Variants in CPD observed in about 807,000 individuals in gnomAD.
CPD encodes metallocarboxypeptidase D.
Under a neutral mutation model 138.3 loss-of-function variants are expected in CPD, and 69 were observed. That is an observed-to-expected ratio of 0.50 (90% confidence interval 0.41 to 0.61). The LOEUF (loss-of-function observed/expected upper bound fraction) is 0.61. Ranked by LOEUF, CPD falls within the 20% of genes least tolerant of loss-of-function variation. CPD has a pLI of 0.00. For synonymous variants in CPD, 651 were observed against 642.1 expected, an observed-to-expected ratio of 1.01 and a Z score of -0.21; for missense variants, 1,432 against 1,733.3, an observed-to-expected ratio of 0.83 and a Z score of 3.09.
intron 17 of CPD, among the ~76,000 whole-genome samples, chr17:30,457,710 A>G (rs1913337673): frequency 6.6e-6 from 1 of 150,876 alleles, no homozygotes; most frequent in African/African-American, 2.4e-5. Flanking sequence ...CTCAGGCTGG[A>G]GTGCAGTGGC....
chr17:30,423,499 T>G lies in CPD; in HGVS notation c.1658-7T>G. 1 of 1,520,986 alleles carries G rather than the reference T, an allele frequency of 6.6e-7. No individual in the cohort carries two copies. 94.2% of individuals were successfully genotyped at this position (1,520,986 alleles called of 1,614,324 possible). A position where few individuals can be genotyped will look rare whatever the true frequency, so the allele number is the denominator to read the frequency against. On this transcript the variant is annotated splice_polypyrimidine_tract_variant and splice_region_variant and intron_variant, in intron 5 of 20. Coordinates refer to ENST00000225719, the MANE Select transcript of CPD (RefSeq NM_001304.5). Reference sequence around the variant, plus strand: ...AAAAGCCTTCCATGTAATTATTTTGTTTTCAGGTGAACCAGAATTTAAGTA... The same window carrying G: ...AAAAGCCTTCCATGTAATTATTTTGGTTTCAGGTGAACCAGAATTTAAGTA...
At position 30,423,634 on chromosome 17, in the gene CPD, C is replaced by T. The variant is rs370944637; in HGVS notation, c.1786C>T (p.His596Tyr). 12 of 1,611,950 alleles carry T rather than the reference C, an allele frequency of 7.4e-6. No homozygotes were observed. The highest frequency in any genetic ancestry group is 1.7e-5 in the Admixed American group (1 of 59,626). ...GTDPEVTDLV[H>Y]NTRIHLMPSM... is the part of the protein sequence containing the mutation. ...AGACCCTGAAGTCACAGATTTGGTT[C>T]ATAACACTAGAATTCACCTTATGCC... is the stretch of plus-strand genomic sequence containing the variant. Residue 596 changes from histidine to tyrosine, a missense_variant, in exon 6 of 21, where the codon CAT becomes TAT. By Grantham distance (83) the His-to-Tyr change is moderately conservative. Coordinates refer to ENST00000225719, the MANE Select transcript of CPD (RefSeq NM_001304.5).
At chr17:30,442,047 CTT>C (rs902713369) in intron 9 of CPD, among the ~76,000 whole-genome samples, 4 of 151,830 alleles carry the variant, frequency 2.6e-5, no homozygotes, top group African/African-American at 7.3e-5. Flanking sequence ...GTCCTGGACT[CTT>C]TTTGGTTGGT....
rs1372409883 is a variant in CPD, at chr17:30,461,099, T to A, written c.3499-81T>A. ...TCAGCTACGTTTTCTTTTCATTTAC[T>A]CCATTTGTTGTATTACAAAGCCTTA... On this transcript the variant is annotated intron_variant, in intron 17 of 20. Transcript: ENST00000225719. The A allele has an allele frequency of 4.5e-6, 5 of 1,105,930 alleles. No individual in the cohort carries two copies. The African/African-American group carries it at 8.0e-5, about 18-fold the overall frequency. The allele number at this position is 1,105,930 out of a possible 1,614,324, so 68.5% of individuals were successfully genotyped here. A position where few individuals can be genotyped will look rare whatever the true frequency, so the allele number is the denominator to read the frequency against.
In CPD at chr17:30,435,645, G is replaced by C. The variant is rs1021878591; in HGVS notation, c.2128-3330G>C. 4.6e-5 allele frequency among the ~76,000 whole-genome samples: 7 copies of C among 152,138 alleles called. 1 individual carries two copies. The highest frequency in any genetic ancestry group is 4.6e-4 in the Admixed American group (7 of 15,278). ...AGTGACAAAAAAAGATTGATACATT[G>C]GACATAATCCAGATTTAAAACTTCT... On this transcript the variant is annotated intron_variant, in intron 8 of 20. Transcript: ENST00000225719.
intron 12 of CPD, among the ~76,000 whole-genome samples, chr17:30,448,222 GCACAGTGGCT>G (rs1913077811): frequency 1.3e-5 from 2 of 152,112 alleles, no homozygotes; most frequent in Non-Finnish European, 2.9e-5. Flanking sequence ...ACCAGGCTGG[GCACAGTGGCT>G]CACACCTGTA....
intron 2 of CPD, among the ~76,000 whole-genome samples, chr17:30,418,455 C>T (rs959310015): frequency 1.1e-4 from 17 of 152,054 alleles, no homozygotes; most frequent in African/African-American, 4.1e-4. Context: ...TTATTGAGCA[C>T]CTACTATATG....
chr17:30,436,170 G>T (rs1478677730), intron 8 of CPD, among the ~76,000 whole-genome samples: 1 of 152,078 alleles, frequency 6.6e-6, no homozygotes, highest in African/African-American at 2.4e-5. Context: ...CACAGAAGCT[G>T]GGCTTGGTGA....
chr17:30,390,845 T>C (rs1911335169), intron 2 of CPD, among the ~76,000 whole-genome samples: 1 of 152,134 alleles, frequency 6.6e-6, no homozygotes. Context: ...TTTTTTTTTT[T>C]TGAGATGGAG....
chr17:30,448,069 G>A (rs1913074811), intron 12 of CPD, among the ~76,000 whole-genome samples: 1 of 152,138 alleles, frequency 6.6e-6, no homozygotes, highest in Non-Finnish European at 1.5e-5. Flanking sequence ...ATTCATAGAT[G>A]CAGAGTGATA....
intron 9 of CPD, 111 bp downstream of exon 9, chr17:30,439,188 A>T (rs1912782457): frequency 1.6e-6 from 1 of 627,074 alleles, no homozygotes; most frequent in Non-Finnish European, 2.8e-6. Flanking sequence ...TATTTTTAAA[A>T]CATGGTTTAA....
intron 2 of CPD, among the ~76,000 whole-genome samples, chr17:30,400,673 T>TTTTG: frequency 6.9e-6 from 1 of 144,036 alleles, no homozygotes; most frequent in Non-Finnish European, 1.5e-5. Context: ...TTTTTTTTTT[T>TTTTG]TTTGAGATGG....
At chr17:30,384,775 G>T (rs1911136137) in intron 1 of CPD, among the ~76,000 whole-genome samples, 1 of 152,128 alleles carries the variant, frequency 6.6e-6, no homozygotes, top group Non-Finnish European at 1.5e-5. Context: ...AATTGTTAAA[G>T]GTGTTTGAAA....
chr17:30,394,225 T>C (rs1911438581), intron 2 of CPD, among the ~76,000 whole-genome samples: 1 of 150,202 alleles, frequency 6.7e-6, no homozygotes. Context: ...GTCTAATACT[T>C]CTTAGCATGG....
At chr17:30,388,791 G>GCTTC (rs1191361100) in intron 2 of CPD, among the ~76,000 whole-genome samples, 1 of 152,198 alleles carries the variant, frequency 6.6e-6, no homozygotes, top group African/African-American at 2.4e-5. Flanking sequence ...ATTGCCACAA[G>GCTTC]CTTCCCTGTT....
At chr17:30,430,305 C>T (rs1912528658) in intron 7 of CPD, among the ~76,000 whole-genome samples, 1 of 152,138 alleles carries the variant, frequency 6.6e-6, no homozygotes. Flanking sequence ...CTTCTCCCCT[C>T]AACCTCTGGT....
At chr17:30,390,679 A>G (rs1000281498) in intron 2 of CPD, among the ~76,000 whole-genome samples, 3 of 152,208 alleles carry the variant, frequency 2.0e-5, no homozygotes, top group African/African-American at 7.2e-5. Context: ...CTAGCTGCCT[A>G]TGTGGGTGAG....
intron 19 of CPD, 28 bp from the exon 20 acceptor site, chr17:30,462,342 T>G: frequency 6.3e-7 from 1 of 1,580,352 alleles, no homozygotes; most frequent in South Asian, 1.1e-5. Flanking sequence ...GCAGAATTTG[T>G]CATGATTCTT....
intron 2 of CPD, among the ~76,000 whole-genome samples, chr17:30,392,592 T>C (rs1911389041): frequency 6.6e-6 from 1 of 152,216 alleles, no homozygotes; most frequent in Non-Finnish European, 1.5e-5. Context: ...CTTTAAAAAA[T>C]ATGTCTGAAC....
Sources: allele counts gnomAD v4.1 joint callset (sites outside exome capture counted in the v4.1 genomes callset), GRCh38; gene constraint gnomAD v4.1.1; transcripts MANE v1.5; gene names NCBI Gene and HGNC (gene_info 2026-07-23, HGNC 2026-07-21).